The following DPP4 variants were observed in gnomAD, a reference collection of about 807,000 sequenced individuals.
The protein encoded by DPP4 is dipeptidyl peptidase 4.
Under a neutral mutation model 122.4 loss-of-function variants are expected in DPP4, and 93 were observed. The observed-to-expected ratio is 0.76, with a 90% CI of 0.64 to 0.90. DPP4 has a LOEUF of 0.90. Among genes scored for constraint, DPP4 ranks in the 40% least tolerant of loss-of-function variants. The pLI is 0.00. For synonymous variants in DPP4, 321 were observed against 302.9 expected, an observed-to-expected ratio of 1.06 and a Z score of -0.62; for missense variants, 914 against 907.3, an observed-to-expected ratio of 1.01 and a Z score of -0.09.
intron 10 of DPP4, among the ~76,000 whole-genome samples, chr2:162,026,578 A>C (rs1040174815): frequency 6.6e-6 from 1 of 152,022 alleles, no homozygotes; most frequent in African/African-American, 2.4e-5. Context: ...CCCCTCATCC[A>C]CGATGTCTTC....
At chr2:162,023,987 CAT>C (rs150751379) in intron 11 of DPP4, among the ~76,000 whole-genome samples, 28 of 152,254 alleles carry the variant, frequency 1.8e-4, no homozygotes, top group Non-Finnish European at 3.5e-4. Context: ...ACAGGAATTC[CAT>C]GTTTGTTACA....
At chr2:162,018,876 G>C in intron 15 of DPP4, 26 bp from the exon 16 acceptor site, 1 of 1,612,482 alleles carries the variant, frequency 6.2e-7, no homozygotes, top group Admixed American at 1.7e-5. Flanking sequence ...TGGAAATTAA[G>C]TGCTTGAAGA....
intron 10 of DPP4, among the ~76,000 whole-genome samples, chr2:162,031,816 G>C (rs2106115480): frequency 6.6e-6 from 1 of 152,212 alleles, no homozygotes; most frequent in Non-Finnish European, 1.5e-5. Flanking sequence ...AAGGGCACAG[G>C]CTTTCTATGG....
intron 10 of DPP4, among the ~76,000 whole-genome samples, chr2:162,029,333 G>A (rs1217019358): frequency 6.6e-6 from 1 of 152,202 alleles, no homozygotes. Context: ...AAGAGCAACT[G>A]CAACCGTGGA....
Position 161,993,155 on chromosome 2 carries a change from G to A in DPP4, c.*128C>T. The A allele has an allele frequency of 1.4e-6, 1 of 708,738 alleles. No homozygotes were observed. The highest frequency in any genetic ancestry group is 2.4e-6 in the Non-Finnish European group (1 of 419,304). The allele number at this position is 708,738 out of a possible 1,614,324, so 43.9% of individuals were successfully genotyped here. A position where few individuals can be genotyped will look rare whatever the true frequency, so the allele number is the denominator to read the frequency against. ...GATAGGTATGAAATTTGGGAACAAAGGTAACCTTAAGTTTCTTGATTTGAG... is the reference window on the plus strand; with the variant it reads ...GATAGGTATGAAATTTGGGAACAAAAGTAACCTTAAGTTTCTTGATTTGAG... On this transcript the variant is annotated 3_prime_UTR_variant, in exon 26 of 26. Coordinates refer to ENST00000360534, the MANE Select transcript of DPP4 (RefSeq NM_001935.4).
chr2:162,039,864 C>A (rs1576057981), intron 5 of DPP4, among the ~76,000 whole-genome samples: 1 of 151,632 alleles, frequency 6.6e-6, no homozygotes, highest in African/African-American at 2.4e-5. Context: ...TAGAAAAAAT[C>A]AACAAAGCCA....
chr2:162,027,690 C>T (rs1427641300), intron 10 of DPP4, among the ~76,000 whole-genome samples: 1 of 152,074 alleles, frequency 6.6e-6, no homozygotes, highest in African/African-American at 2.4e-5. Context: ...AGTGGATCAC[C>T]CAGTACTAAA....
intron 22 of DPP4, 36 bp from the exon 23 acceptor site, chr2:162,005,845 C>G: frequency 6.4e-7 from 1 of 1,554,164 alleles, no homozygotes; most frequent in African/African-American, 1.4e-5. Context: ...AAGTTTAATT[C>G]ATACAATAAC....
At chr2:162,035,846 C>T (rs1404944218) in intron 8 of DPP4, among the ~76,000 whole-genome samples, 1 of 152,096 alleles carries the variant, frequency 6.6e-6, no homozygotes, top group African/African-American at 2.4e-5. Context: ...TTTAGAATGG[C>T]AAGGAACTCC....
At chr2:162,031,160 T>G (rs1188045922) in intron 10 of DPP4, among the ~76,000 whole-genome samples, 1 of 152,214 alleles carries the variant, frequency 6.6e-6, no homozygotes, top group African/African-American at 2.4e-5. Flanking sequence ...TATTCCCACC[T>G]TCCACACTAA....
chr2:162,017,199 T>G (rs199653013), intron 16 of DPP4, 44 bp from the exon 17 acceptor site: 59 of 1,559,072 alleles, frequency 3.8e-5, no homozygotes, highest in Non-Finnish European at 6.2e-6. Flanking sequence ...GAATACTTTT[T>G]TAGAAAAGAT....
At position 162,005,014 on chromosome 2, in the gene DPP4, A is replaced by AAAGTGCCAG. The variant is rs563600245; in HGVS notation, c.2052+722_2052+730dup. The stretch of plus-strand genomic sequence containing the variant: ...GAATCAGCAAAGTTTTGGAATGATC[A>AAAGTGCCAG]AAGTGCCAGAAGGGTCCCTAGTACT... On this transcript the variant is annotated intron_variant, in intron 23 of 25. Coordinates refer to ENST00000360534, the MANE Select transcript of DPP4 (RefSeq NM_001935.4). 5.9e-5 allele frequency among the ~76,000 whole-genome samples: 9 copies of AAAGTGCCAG among 152,336 alleles called. No individual in the cohort carries two copies. The South Asian group carries it at 1.9e-3, about 32-fold the overall frequency.
chr2:162,006,176 A>ACTTC (rs1701278738), intron 22 of DPP4, among the ~76,000 whole-genome samples: 2 of 152,172 alleles, frequency 1.3e-5, no homozygotes, highest in African/African-American at 4.8e-5. Context: ...GTCAAATGTG[A>ACTTC]AGTGCTAAGG....
chr2:162,035,246 G>A lies in DPP4; in HGVS notation c.692C>T (p.Thr231Ile), dbSNP rs1683728094. The part of the protein sequence containing the change: ...TFLAYAQFND[T>I]EVPLIEYSFY... ...GGAGTATTCAATAAGTGGGACTTCT[G>A]TGTCGTTAAATTGGGCATATGCTAA... Residue 231 changes from threonine (T) to isoleucine (I), a missense_variant, in exon 9 of 26, where the codon ACA (threonine) becomes ATA (isoleucine). Coordinates refer to ENST00000360534, the MANE Select transcript of DPP4 (RefSeq NM_001935.4). The A allele has an allele frequency of 1.9e-6, 3 of 1,613,938 alleles. No individual in the cohort carries two copies. The highest frequency in any genetic ancestry group is 1.1e-5 in the South Asian group (1 of 91,072).
At chr2:162,040,763 T>C (rs72868662) in intron 5 of DPP4, among the ~76,000 whole-genome samples, 131 of 152,116 alleles carry the variant, frequency 8.6e-4, no homozygotes, top group Non-Finnish European at 1.5e-3. Context: ...AAATTAATAA[T>C]GATATATTAA....
In DPP4 at chr2:162,038,993, T is replaced by C. The variant is rs1269784992; in HGVS notation, c.448A>G (p.Asn150Asp). ...GACCATGTGACCCACTGTGTGTTGT[T>C]TGGAATCCTCTCTTCTGTAATCAGC... ...RQLITEERIP[N>D]NTQWVTWSPV... The change falls in exon 7 of 26, where the codon AAC (asparagine) becomes GAC (aspartate). Residue 150 changes from asparagine (N) to aspartate (D), a missense_variant. Transcript: ENST00000360534. 6.2e-7 allele frequency: 1 copy of C among 1,613,440 alleles called. No homozygotes were observed. Among genetic ancestry groups the C allele is most frequent in the Admixed American group, 1.7e-5 (1 of 59,968 alleles).
At position 162,074,022 on chromosome 2, in the gene DPP4, G is replaced by A; in HGVS notation, c.-41C>T. 6.2e-7 allele frequency: 1 copy of A among 1,605,278 alleles called. No individual in the cohort carries two copies. Among genetic ancestry groups the A allele is most frequent in the South Asian group, 1.1e-5 (1 of 89,396 alleles). ...GGAAGTGAGCGTTCAGAGAAGGAGC[G>A]CAGGCAGAAGTCACCGCGGGCGGCG... On this transcript the variant is annotated 5_prime_UTR_variant, in exon 1 of 26. Transcript: ENST00000360534.
At chr2:162,022,682 G>C (rs1559712327) in intron 12 of DPP4, 73 bp downstream of exon 12, 1 of 1,461,402 alleles carries the variant, frequency 6.8e-7, no homozygotes, top group Admixed American at 1.7e-5. Flanking sequence ...TAGAGCCCTA[G>C]TTTTAAATAG....
At chr2:162,041,894 T>C (rs1316849749) in intron 5 of DPP4, among the ~76,000 whole-genome samples, 1 of 152,254 alleles carries the variant, frequency 6.6e-6, no homozygotes, top group East Asian at 1.9e-4. Context: ...GGATATGCAA[T>C]AGTAAATGAC....
Sources: allele counts gnomAD v4.1 joint callset (sites outside exome capture counted in the v4.1 genomes callset), GRCh38; gene constraint gnomAD v4.1.1; transcripts MANE v1.5; gene names NCBI Gene and HGNC (gene_info 2026-07-23, HGNC 2026-07-21).